Variants in SMARCA4 observed in about 807,000 individuals in gnomAD.
SMARCA4 encodes the protein SWI/SNF related BAF chromatin remodeling complex subunit ATPase 4.
A neutral mutation model predicts 193.9 loss-of-function variants in SMARCA4; 31 were observed. The ratio of observed to expected loss-of-function variants is 0.16; its 90% confidence interval spans 0.12 to 0.22. The LOEUF (loss-of-function observed/expected upper bound fraction) is 0.22, where lower values mean the gene tolerates loss of function less well. Ranked by LOEUF, SMARCA4 falls within the 10% of genes least tolerant of loss-of-function variation. The pLI is 1.00. For synonymous variants in SMARCA4, 942 were observed against 933.1 expected (o/e 1.01, Z -0.17); for missense variants, 1,148 against 2,296.0 (o/e 0.50, Z 10.22).
At chr19:11,014,791 A>G (rs976837146) in intron 16 of SMARCA4, among the ~76,000 whole-genome samples, 1 of 151,686 alleles carries the variant, frequency 6.6e-6, no homozygotes, top group Admixed American at 6.6e-5. Context: ...TAAACTTTTC[A>G]TTTTGAAATG....
chr19:11,047,489 A>AC (rs1324470918), intron 30 of SMARCA4: 1 of 151,202 alleles, frequency 6.6e-6, no homozygotes, highest in Admixed American at 6.6e-5. Context: ...GCTCACTGTA[A>AC]CCTCTGCCTC....
At chr19:11,022,003 C>G (rs757476222) in intron 19 of SMARCA4, 36 bp downstream of exon 19, 1 of 1,611,208 alleles carries the variant, frequency 6.2e-7, no homozygotes, top group South Asian at 1.1e-5. Context: ...CTGACGGTTC[C>G]AGGTGCGGCT....
intron 30 of SMARCA4, among the ~76,000 whole-genome samples, chr19:11,046,689 C>A (rs910629165): frequency 1.3e-5 from 2 of 152,186 alleles, no homozygotes; most frequent in African/African-American, 4.8e-5. Flanking sequence ...GCGTAGTGGT[C>A]ACGCCTGTAA....
chr19:11,042,201 G>C (rs2075658466), intron 30 of SMARCA4, among the ~76,000 whole-genome samples: 1 of 152,212 alleles, frequency 6.6e-6, no homozygotes, highest in Admixed American at 6.5e-5. Context: ...CTGTGGCCAC[G>C]GCCCAGCGGC....
chr19:10,983,066 A>G (rs568799634), intron 1 of SMARCA4, among the ~76,000 whole-genome samples: 304 of 152,320 alleles, frequency 2.0e-3, no homozygotes, highest in Non-Finnish European at 3.0e-3. Flanking sequence ...GCCATGGGTA[A>G]GATTATATGA....
chr19:11,055,154 T>C (rs1600597023), intron 30 of SMARCA4, among the ~76,000 whole-genome samples: 2 of 152,146 alleles, frequency 1.3e-5, no homozygotes, highest in South Asian at 4.1e-4. Context: ...CCTAGAGGTC[T>C]GGGAAGGGGT....
intron 30 of SMARCA4, among the ~76,000 whole-genome samples, chr19:11,055,789 T>C (rs1230602949): frequency 6.6e-6 from 1 of 151,862 alleles, no homozygotes; most frequent in Middle Eastern, 3.2e-3. Flanking sequence ...AAATGGGGTT[T>C]TGCCATGTTG....
chr19:11,001,899 A>G (rs752015379), intron 11 of SMARCA4, among the ~76,000 whole-genome samples: 2 of 152,240 alleles, frequency 1.3e-5, no homozygotes, highest in Non-Finnish European at 2.9e-5. Context: ...GAGGAGTTTC[A>G]TATTTGTTGC....
intron 1 of SMARCA4, among the ~76,000 whole-genome samples, chr19:10,976,781 G>A (rs1055822279): frequency 4.0e-5 from 6 of 151,028 alleles, no homozygotes; most frequent in African/African-American, 1.2e-4. Context: ...TGGGCCGGGC[G>A]TGGTGCCTCT....
Position 10,986,653 on chromosome 19 carries a change from C to T in SMARCA4, c.760+60C>T, listed in dbSNP as rs975512090. On this transcript the variant is annotated intron_variant, in intron 4 of 34. Coordinates refer to ENST00000344626, the MANE Select transcript of SMARCA4 (RefSeq NM_003072.5). This position sits in a 1 kb window ranked among gnomAD's most constrained non-coding sequence, Gnocchi z 6.7. ...GAGCGAATGGCTGGGGCGTGGGTGG[C>T]GGGGTGGACAGACCGTGCTCTGTTG... 16 of 1,533,256 alleles carry T rather than the reference C, an allele frequency of 1.0e-5. No individual in the cohort carries two copies. Among genetic ancestry groups the T allele is most frequent in the Admixed American group, 3.9e-5 (2 of 50,910 alleles). The allele number at this position is 1,533,256 out of a possible 1,614,324, so 95.0% of individuals were successfully genotyped here.
chr19:10,963,180 C>G (rs1207759503), intron 1 of SMARCA4, among the ~76,000 whole-genome samples: 2 of 151,678 alleles, frequency 1.3e-5, no homozygotes, highest in African/African-American at 4.8e-5. Flanking sequence ...TGAGACTAAC[C>G]TGGGCAACAT....
At chr19:10,969,899 C>T (rs933128679) in intron 1 of SMARCA4, among the ~76,000 whole-genome samples, 1 of 152,176 alleles carries the variant, frequency 6.6e-6, no homozygotes, top group Non-Finnish European at 1.5e-5. Flanking sequence ...CTCCCCACTG[C>T]ACTGGATGCT....
rs369506724 is a variant in SMARCA4 at position 11,061,148 on chromosome 19, A to G, written c.4912-636A>G. ...GGCTGCAGTGAGCCGTGATAGCACCACTGCACTCCAGCCTGGGCAACAGAG... is the reference window on the plus strand; with the variant it reads ...GGCTGCAGTGAGCCGTGATAGCACCGCTGCACTCCAGCCTGGGCAACAGAG... On this transcript the variant is annotated intron_variant, in intron 34 of 34. Transcript: ENST00000344626. 2.8e-3 allele frequency among the ~76,000 whole-genome samples: 413 copies of G among 145,942 alleles called. 12 individuals are homozygous for G. The South Asian group carries it at 0.05, about 18-fold the overall frequency.
chr19:11,043,020 G>C (rs1039895403), intron 30 of SMARCA4, among the ~76,000 whole-genome samples: 18 of 152,154 alleles, frequency 1.2e-4, no homozygotes, highest in African/African-American at 3.9e-4. Context: ...GCCAGATGCG[G>C]TGGCTCATGC....
In SMARCA4 at chr19:11,031,365, T is replaced by C. The variant is rs886135440; in HGVS notation, c.3546+472T>C. On this transcript the variant is annotated intron_variant, in intron 25 of 34. Transcript: ENST00000344626. This position sits in a 1 kb window ranked among gnomAD's most constrained non-coding sequence, Gnocchi z 4.3. ...GGCCTCGGCATCGGTGGATACCAGG[T>C]CATGCTGTTACATAGCTACAAGAAT... 2 of 195,044 alleles carry C rather than the reference T, an allele frequency of 1.0e-5. No individual in the cohort carries two copies. The highest frequency in any genetic ancestry group is 2.2e-5 in the Non-Finnish European group (2 of 92,348). The allele number at this position is 195,044 out of a possible 1,614,324, so 12.1% of individuals were successfully genotyped here.
chr19:10,996,991 G>A (rs2087121260), intron 11 of SMARCA4, among the ~76,000 whole-genome samples: 1 of 151,646 alleles, frequency 6.6e-6, no homozygotes, highest in Non-Finnish European at 1.5e-5. Context: ...GAGTAGCTGG[G>A]ATTACGGTTA....
Position 11,033,109 on chromosome 19 carries a change from G to A in SMARCA4, c.3547-181G>A. ...CGTGATGAGAGTCCCCTTCCCCCGA[G>A]GGACACATGGCGGCCCAGGCTCCAC... On this transcript the variant is annotated intron_variant, in intron 25 of 34. Coordinates refer to ENST00000344626, the MANE Select transcript of SMARCA4 (RefSeq NM_003072.5). This position sits in a 1 kb window ranked among gnomAD's most constrained non-coding sequence, Gnocchi z 9.8. The A allele has an allele frequency of 3.0e-6, 2 of 674,572 alleles. No homozygotes were observed. Among genetic ancestry groups the A allele is most frequent in the South Asian group, 3.1e-5 (2 of 64,196 alleles). The allele number at this position is 674,572 out of a possible 1,614,324, so 41.8% of individuals were successfully genotyped here. A position where few individuals can be genotyped will look rare whatever the true frequency, so the allele number is the denominator to read the frequency against.
rs544979448 is a variant in SMARCA4 at position 11,002,996 on chromosome 19, A to T, written c.1813-33A>T. 2.5e-6 allele frequency: 4 copies of T among 1,613,504 alleles called. No homozygotes were observed. In the African/African-American group the frequency reaches 5.3e-5, roughly 22 times the overall value. ...TAAGTGTTTGGTCTGGAGGCCCTGC[A>T]ACCTCAGTGTCACACGAATGACTCT... On this transcript the variant is annotated intron_variant, in intron 11 of 34. Coordinates refer to ENST00000344626, the MANE Select transcript of SMARCA4 (RefSeq NM_003072.5).
At chr19:11,050,994 T>C (rs1380725276) in intron 30 of SMARCA4, among the ~76,000 whole-genome samples, 1 of 152,238 alleles carries the variant, frequency 6.6e-6, no homozygotes, top group East Asian at 1.9e-4. Context: ...TGCCCACTTA[T>C]GGGCATAGGC....
Sources: allele counts gnomAD v4.1 joint callset (sites outside exome capture counted in the v4.1 genomes callset), GRCh38; gene constraint gnomAD v4.1.1; non-coding constraint Gnocchi (gnomAD v3.1); transcripts MANE v1.5; gene names NCBI Gene and HGNC (gene_info 2026-07-23, HGNC 2026-07-21).